Variants in IFTAP observed in about 807,000 individuals in gnomAD.
IFTAP encodes intraflagellar transport associated protein.
Under a neutral mutation model 19.4 loss-of-function variants are expected in IFTAP, and 19 were observed. The observed-to-expected ratio is 0.98, with a 90% CI of 0.68 to 1.44. The LOEUF is 1.44. Ranked by LOEUF, IFTAP falls within the 40% of genes most tolerant of loss-of-function variation. The probability of loss-of-function intolerance (pLI) is 0.00; values close to 1 mark genes in which losing one functional copy is unlikely to be tolerated. For synonymous variants in IFTAP, 85 were observed against 83.5 expected (o/e 1.02, Z -0.10); for missense variants, 240 against 253.6 (o/e 0.95, Z 0.36).
intron 2 of IFTAP, among the ~76,000 whole-genome samples, chr11:36,622,401 G>A (rs7946993): frequency 0.11 from 17,255 of 152,030 alleles, 1,152 homozygotes; most frequent in African/African-American, 0.17. Context: ...ATGATCTTAC[G>A]GTGAAGGAAA....
rs1257977775 is a variant in IFTAP at position 36,659,139 on chromosome 11, C to G, written c.619C>G (p.Gln207Glu). 6.2e-7 allele frequency: 1 copy of G among 1,605,482 alleles called. No homozygotes were observed. The highest frequency in any genetic ancestry group is 8.5e-7 in the Non-Finnish European group (1 of 1,176,256). The change falls in exon 6 of 6, where the codon CAG becomes GAG. Residue 207 changes from glutamine to glutamate, a missense_variant. Transcript: ENST00000334307. ...GAACATCAAAGAGCTATGCAAGCAG[C>G]AGAAGAGAAAGGACACCAGCCCAGA... ...IENIKELCKQ[Q>E]KRKDTSPDLE...
chr11:36,626,024 T>C lies in IFTAP; in HGVS notation c.137-7260T>C, dbSNP rs943598463. 2.0e-5 allele frequency among the ~76,000 whole-genome samples: 3 copies of C among 150,840 alleles called. 1 individual carries two copies. Among genetic ancestry groups the C allele is most frequent in the African/African-American group, 7.4e-5 (3 of 40,272 alleles). On this transcript the variant is annotated intron_variant, in intron 2 of 5. Coordinates refer to ENST00000334307, the MANE Select transcript of IFTAP (RefSeq NM_138787.4). ...GTGTGGAAGCTGAGGTTAGAGGGCA[T>C]GGAGGTAGGGAAAGATCGGGCATGG...
chr11:36,635,974 G>C (rs745710202), intron 3 of IFTAP, 77 bp from the exon 4 acceptor site: 1 of 911,750 alleles, frequency 1.1e-6, no homozygotes, highest in East Asian at 2.5e-5. Context: ...TGTTGTGGAA[G>C]TGGATTCGTT....
chr11:36,625,561 A>G (rs1035282700), intron 2 of IFTAP, among the ~76,000 whole-genome samples: 19 of 152,130 alleles, frequency 1.2e-4, no homozygotes, highest in African/African-American at 4.6e-4. Flanking sequence ...TTTGTGGGAC[A>G]TTTGAATTAT....
intron 4 of IFTAP, 31 bp from the exon 5 acceptor site, chr11:36,647,985 A>G (rs763570709): frequency 6.3e-7 from 1 of 1,598,966 alleles, no homozygotes; most frequent in Non-Finnish European, 8.5e-7. Flanking sequence ...ACTTTGCGAA[A>G]GGCTCAGTTG....
chr11:36,657,363 G>A (rs945887747), intron 5 of IFTAP, among the ~76,000 whole-genome samples: 1 of 152,156 alleles, frequency 6.6e-6, no homozygotes, highest in African/African-American at 2.4e-5. Context: ...CTGTGTTGAT[G>A]ATAAATTTGA....
At chr11:36,656,378 T>A (rs771494767) in intron 5 of IFTAP, among the ~76,000 whole-genome samples, 4 of 152,114 alleles carry the variant, frequency 2.6e-5, no homozygotes, top group Non-Finnish European at 4.4e-5. Flanking sequence ...GAAACCAGCC[T>A]GGCCGACATG....
intron 2 of IFTAP, among the ~76,000 whole-genome samples, chr11:36,623,496 T>A (rs1167072855): frequency 6.6e-6 from 1 of 152,186 alleles, no homozygotes; most frequent in Non-Finnish European, 1.5e-5. Context: ...TTTACTGTGA[T>A]CTTGCTGATC....
intron 1 of IFTAP, among the ~76,000 whole-genome samples, chr11:36,602,405 A>T (rs1208141547): frequency 1.3e-5 from 2 of 152,202 alleles, no homozygotes; most frequent in Non-Finnish European, 2.9e-5. Flanking sequence ...AGAGAAGGGG[A>T]CAACTTTAAT....
intron 5 of IFTAP, among the ~76,000 whole-genome samples, chr11:36,652,200 C>A (rs1432015695): frequency 1.3e-5 from 2 of 152,122 alleles, no homozygotes; most frequent in African/African-American, 2.4e-5. Flanking sequence ...AATGGTCTTC[C>A]ATTTGTTTGT....
intron 1 of IFTAP, among the ~76,000 whole-genome samples, chr11:36,603,262 A>T (rs1005554302): frequency 1.3e-5 from 2 of 152,162 alleles, no homozygotes; most frequent in Admixed American, 6.5e-5. Context: ...ATTTTTCAAG[A>T]GGAAAGTTTC....
intron 4 of IFTAP, among the ~76,000 whole-genome samples, chr11:36,641,759 G>A (rs1431225361): frequency 2.6e-5 from 4 of 152,176 alleles, no homozygotes; most frequent in Admixed American, 2.6e-4. Context: ...TGTTGATTTG[G>A]GGTGGAGAGT....
At chr11:36,645,228 A>G (rs1353620896) in intron 4 of IFTAP, among the ~76,000 whole-genome samples, 6 of 152,140 alleles carry the variant, frequency 3.9e-5, no homozygotes, top group African/African-American at 7.2e-5. Context: ...GTTAGATTAC[A>G]TGGCTGTAGT....
intron 5 of IFTAP, among the ~76,000 whole-genome samples, chr11:36,650,556 T>TC (rs1554956668): frequency 6.7e-6 from 1 of 148,460 alleles, no homozygotes; most frequent in African/African-American, 2.5e-5. Context: ...TTTTTTTTTT[T>TC]CCAAAAAAAA....
chr11:36,631,702 T>C (rs1374296658), intron 2 of IFTAP, among the ~76,000 whole-genome samples: 1 of 151,222 alleles, frequency 6.6e-6, no homozygotes, highest in Non-Finnish European at 1.5e-5. Context: ...AACATTTTTA[T>C]AGTAGAGGCT....
At chr11:36,622,706 T>G (rs1852348174) in intron 2 of IFTAP, among the ~76,000 whole-genome samples, 1 of 152,140 alleles carries the variant, frequency 6.6e-6, no homozygotes, top group African/African-American at 2.4e-5. Flanking sequence ...AAAGACTTAC[T>G]CATGTGTAAA....
intron 5 of IFTAP, among the ~76,000 whole-genome samples, chr11:36,651,518 G>T (rs377493305): frequency 9.3e-4 from 141 of 152,162 alleles, no homozygotes; most frequent in Admixed American, 3.3e-3. Flanking sequence ...TTCACTCTGA[G>T]GGTAGTTTCT....
chr11:36,599,215 A>G lies in IFTAP; in HGVS notation c.-24+4623A>G, dbSNP rs183730821. 8.5e-5 allele frequency among the ~76,000 whole-genome samples: 13 copies of G among 152,332 alleles called. No individual in the cohort carries two copies. In the East Asian group the frequency reaches 2.3e-3, roughly 27 times the overall value. ...TGCCATGTTGGCCAGGCTGGTCTCA[A>G]ACTCCTGACCTTGGGTGACCCACCT... On this transcript the variant is annotated intron_variant, in intron 1 of 5. Transcript: ENST00000334307.
intron 5 of IFTAP, among the ~76,000 whole-genome samples, chr11:36,658,730 T>C (rs1854096715): frequency 6.6e-6 from 1 of 152,166 alleles, no homozygotes; most frequent in African/African-American, 2.4e-5. Context: ...AGTGGTAAAA[T>C]GTATAATGAG....
Sources: gnomAD v4.1 joint callset for allele counts (sites outside exome capture counted in the v4.1 genomes callset) on GRCh38, gnomAD v4.1.1 for gene constraint, MANE v1.5 for transcripts, NCBI Gene and HGNC (gene_info 2026-07-23, HGNC 2026-07-21) for gene names.